SBF2: variants seen among roughly 807,000 people sequenced by gnomAD.
The protein encoded by SBF2 is myotubularin-related protein 13.
In SBF2, 112 loss-of-function variants were observed where a neutral mutation model predicts 225.2. That is an observed-to-expected ratio of 0.50 (90% CI 0.43 to 0.58). The LOEUF (loss-of-function observed/expected upper bound fraction) is 0.58. Ranked by LOEUF, SBF2 falls within the 20% of genes least tolerant of loss-of-function variation. SBF2 has a pLI of 0.00. For missense variants in SBF2, 1,996 were observed against 2,206.2 expected (o/e 0.90, Z 1.91); for synonymous variants, 763 against 773.3 (o/e 0.99, Z 0.22).
chr11:9,792,221 C>T (rs1852795144), intron 33 of SBF2, among the ~76,000 whole-genome samples: 1 of 152,010 alleles, frequency 6.6e-6, no homozygotes, highest in African/African-American at 2.4e-5. Context: ...CACTTGAGGT[C>T]AGGAGTTTGA....
At chr11:9,981,745 T>A (rs934988447) in intron 13 of SBF2, among the ~76,000 whole-genome samples, 1 of 152,214 alleles carries the variant, frequency 6.6e-6, no homozygotes, top group African/African-American at 2.4e-5. Context: ...AGATAAAGTA[T>A]ATGTTAGAAC....
intron 18 of SBF2, among the ~76,000 whole-genome samples, chr11:9,857,445 A>G (rs1228723321): frequency 1.3e-5 from 2 of 152,230 alleles, no homozygotes; most frequent in African/African-American, 4.8e-5. Context: ...CCCGAAGCCC[A>G]GTAAATTTCT....
chr11:10,078,416 T>C lies in SBF2; in HGVS notation c.142-35435A>G, dbSNP rs570048865. ...AATGATAGAGTGGATAAAGAAAATG[T>C]GGCACATATACACCATGGAATACTA... On this transcript the variant is annotated intron_variant, in intron 2 of 39. Coordinates refer to ENST00000256190, the MANE Select transcript of SBF2 (RefSeq NM_030962.4). 8.1e-4 allele frequency among the ~76,000 whole-genome samples: 123 copies of C among 152,300 alleles called. No individual in the cohort carries two copies. The Middle Eastern group carries it at 0.01, about 13-fold the overall frequency.
intron 2 of SBF2, among the ~76,000 whole-genome samples, chr11:10,061,014 C>T (rs533094786): frequency 1.3e-3 from 190 of 151,630 alleles, no homozygotes; most frequent in Non-Finnish European, 2.3e-3. Flanking sequence ...AGCAACAGAG[C>T]GAGACTCCAT....
In SBF2 at chr11:10,215,537, C is replaced by T. The variant is rs190974917; in HGVS notation, c.56-21550G>A. On this transcript the variant is annotated intron_variant, in intron 1 of 39. Coordinates refer to ENST00000256190, the MANE Select transcript of SBF2 (RefSeq NM_030962.4). ...TCAATAACAACCAAGGTGGGAGGAT[C>T]GCTTGAGCCCAGGAGGTCAAGGCTG... Among the ~76,000 whole-genome samples the T allele has an allele frequency of 9.2e-5, 14 of 152,188 alleles. No homozygotes were observed. The East Asian group carries it at 2.7e-3, about 29-fold the overall frequency.
chr11:10,106,587 C>A (rs1254342227), intron 2 of SBF2, among the ~76,000 whole-genome samples: 4 of 149,970 alleles, frequency 2.7e-5, no homozygotes, highest in African/African-American at 9.8e-5. Flanking sequence ...CAAAATCGCA[C>A]CACTGCACTC....
intron 22 of SBF2, among the ~76,000 whole-genome samples, chr11:9,847,853 T>C (rs1250652685): frequency 6.6e-6 from 1 of 152,178 alleles, no homozygotes; most frequent in East Asian, 1.9e-4. Flanking sequence ...TAATAATATG[T>C]GGTTAGCTCC....
intron 6 of SBF2, 152 bp from the exon 7 acceptor site, chr11:10,002,841 GA>G (rs1387948067): frequency 5.5e-6 from 4 of 732,384 alleles, no homozygotes; most frequent in Non-Finnish European, 9.3e-6. Context: ...TATAATCTAT[GA>G]GTATTTGTTT....
At chr11:10,141,947 C>T (rs16907500) in intron 2 of SBF2, among the ~76,000 whole-genome samples, 11,591 of 152,198 alleles carry the variant, frequency 0.076, 631 homozygotes, top group East Asian at 0.28. Flanking sequence ...GAAGTAAAAG[C>T]TATCCATCCT....
chr11:10,124,649 A>G (rs1272209465), intron 2 of SBF2, among the ~76,000 whole-genome samples: 1 of 152,204 alleles, frequency 6.6e-6, no homozygotes, highest in African/African-American at 2.4e-5. Context: ...TAATGTGTGA[A>G]AATTTCCTGA....
chr11:10,085,087 A>G (rs1032874903), intron 2 of SBF2, among the ~76,000 whole-genome samples: 3 of 152,236 alleles, frequency 2.0e-5, no homozygotes, highest in African/African-American at 7.2e-5. Flanking sequence ...GTACAAAACA[A>G]AACAGAAAAG....
chr11:10,132,576 G>C (rs377645056), intron 2 of SBF2, among the ~76,000 whole-genome samples: 4 of 146,278 alleles, frequency 2.7e-5, no homozygotes, highest in Non-Finnish European at 4.5e-5. Context: ...CGGTGGGCTC[G>C]TGGTCTCGCT....
At chr11:10,179,324 C>T (rs534383452) in intron 2 of SBF2, among the ~76,000 whole-genome samples, 5 of 151,138 alleles carry the variant, frequency 3.3e-5, no homozygotes, top group Admixed American at 3.3e-4. Context: ...TGCACATGTA[C>T]CCTAAAACTT....
In SBF2 at chr11:10,116,451, A is replaced by G. The variant is rs528247674; in HGVS notation, c.142-73470T>C. On this transcript the variant is annotated intron_variant, in intron 2 of 39. Coordinates refer to ENST00000256190, the MANE Select transcript of SBF2 (RefSeq NM_030962.4). The stretch of plus-strand genomic sequence containing the variant: ...TACAATGCCAGGAGAGGATTTATGC[A>G]TCAGAAAAAACTCAAGATACTCTCT... 3.3e-5 allele frequency among the ~76,000 whole-genome samples: 5 copies of G among 152,310 alleles called. No individual in the cohort carries two copies. In the East Asian group the frequency reaches 9.6e-4, roughly 29 times the overall value.
intron 2 of SBF2, 38 bp downstream of exon 2, chr11:10,193,864 T>C: frequency 7.4e-7 from 1 of 1,343,904 alleles, no homozygotes; most frequent in Non-Finnish European, 1.1e-6. Context: ...AAAAGAAAAG[T>C]AACATTATAA....
At chr11:10,188,198 A>T (rs1206854038) in intron 2 of SBF2, among the ~76,000 whole-genome samples, 3 of 151,788 alleles carry the variant, frequency 2.0e-5, no homozygotes, top group Non-Finnish European at 4.4e-5. Context: ...AAGTCAAGAA[A>T]TTTTTTTTTG....
At chr11:10,230,288 T>A (rs996079398) in intron 1 of SBF2, among the ~76,000 whole-genome samples, 1 of 152,212 alleles carries the variant, frequency 6.6e-6, no homozygotes, top group Non-Finnish European at 1.5e-5. Context: ...TGTCTTTTAA[T>A]TGGAGCATTT....
chr11:10,033,038 T>TA (rs1461590294), intron 3 of SBF2, among the ~76,000 whole-genome samples: 2 of 152,244 alleles, frequency 1.3e-5, no homozygotes, highest in African/African-American at 4.8e-5. Context: ...GTATGTATGA[T>TA]AGAGTCCATA....
chr11:10,206,019 T>C (rs1031338059), intron 1 of SBF2, among the ~76,000 whole-genome samples: 1 of 151,720 alleles, frequency 6.6e-6, no homozygotes, highest in Non-Finnish European at 1.5e-5. Flanking sequence ...GCCCAGGTAG[T>C]CTCTTTGTCC....
Sources: gnomAD v4.1 joint callset for allele counts (sites outside exome capture counted in the v4.1 genomes callset) on GRCh38, gnomAD v4.1.1 for gene constraint, MANE v1.5 for transcripts, NCBI Gene and HGNC (gene_info 2026-07-23, HGNC 2026-07-21) for gene names.